SLC1A6: variants seen among roughly 807,000 people sequenced by gnomAD.
SLC1A6 encodes the protein solute carrier family 1 member 6, also known as excitatory amino acid transporter 4.
SLC1A6 carries 15 observed loss-of-function variants against 42.1 expected under a neutral mutation model. The ratio of observed to expected loss-of-function variants is 0.36; its 90% CI spans 0.24 to 0.55. The LOEUF (loss-of-function observed/expected upper bound fraction) is 0.55. Ranked by LOEUF, SLC1A6 falls within the 20% of genes least tolerant of loss-of-function variation. The probability of loss-of-function intolerance (pLI) is 0.88; values close to 1 mark genes in which losing one functional copy is unlikely to be tolerated. For missense variants in SLC1A6, 542 were observed against 772.5 expected, an observed-to-expected ratio of 0.70 and a Z score of 3.54; for synonymous variants, 317 against 319.7, an observed-to-expected ratio of 0.99 and a Z score of 0.09.
rs752790471 is a variant in SLC1A6, at chr19:14,962,244, C to T, written c.693G>A (p.Glu231=). ...GASMPPPFSV[E]NGTSFLENVT... ...CATTTTCCAGGAAGCTGGTTCCGTT[C>T]TCCACTGAGAATGGAGGAGGCATGG... Residue 231 remains glutamate (E), a synonymous_variant, in exon 6 of 10, where the codon GAG becomes GAA. Coordinates refer to ENST00000594383, the MANE Select transcript of SLC1A6 (RefSeq NM_005071.3). 29 of 1,614,096 alleles carry T rather than the reference C, an allele frequency of 1.8e-5. No homozygotes were observed. The highest frequency in any genetic ancestry group is 1.6e-5 in the Non-Finnish European group (19 of 1,180,058).
chr19:14,950,171 T>TCG lies in SLC1A6; in HGVS notation c.*23_*24insCG. On this transcript the variant is annotated 3_prime_UTR_variant, in exon 10 of 10. Transcript: ENST00000594383. Reference sequence around the variant, plus strand: ...CTCCCCAGCCCCCTTCCCTCCTCTCTGGGGGGGCAGAGCTGGAGGCCCCTC... The same window carrying TCG: ...CTCCCCAGCCCCCTTCCCTCCTCTCTCGGGGGGGGCAGAGCTGGAGGCCCCTC... The TCG allele has an allele frequency of 6.8e-7, 1 of 1,477,376 alleles. No homozygotes were observed. Among genetic ancestry groups the TCG allele is most frequent in the Non-Finnish European group, 9.0e-7 (1 of 1,106,856 alleles). The allele number at this position is 1,477,376 out of a possible 1,614,324, so 91.5% of individuals were successfully genotyped here.
intron 3 of SLC1A6, among the ~76,000 whole-genome samples, chr19:14,968,849 C>CT (rs1246103065): frequency 3.3e-4 from 32 of 97,120 alleles, no homozygotes; most frequent in African/African-American, 1.8e-3. Context: ...CATAACCTAA[C>CT]TATTTTTTTT....
At chr19:14,963,138 T>C (rs1048522415) in intron 5 of SLC1A6, among the ~76,000 whole-genome samples, 2 of 152,162 alleles carry the variant, frequency 1.3e-5, no homozygotes, top group Admixed American at 1.3e-4. Context: ...AAGGAGGGGA[T>C]CCTGTCATTT....
intron 8 of SLC1A6, among the ~76,000 whole-genome samples, chr19:14,953,272 C>T (rs1041887095): frequency 3.7e-5 from 5 of 135,582 alleles, no homozygotes; most frequent in Non-Finnish European, 6.5e-5. Context: ...CTCCCCTCCT[C>T]GCCTCACCTT....
At chr19:15,004,553 A>AAAAAG (rs60251760) in intron 1 of SLC1A6, among the ~76,000 whole-genome samples, 2 of 150,826 alleles carry the variant, frequency 1.3e-5, no homozygotes, top group Admixed American at 6.6e-5. Flanking sequence ...AAAAAAAAAA[A>AAAAAG]GTCAATTGTG....
At chr19:14,951,505 G>A (rs2045413049) in intron 9 of SLC1A6, among the ~76,000 whole-genome samples, 1 of 93,374 alleles carries the variant, frequency 1.1e-5, no homozygotes, top group Non-Finnish European at 2.2e-5. Context: ...TGTTGTTGTT[G>A]CTGGTTTTTG....
chr19:14,959,762 G>A (rs560406672), intron 6 of SLC1A6, among the ~76,000 whole-genome samples: 9 of 152,164 alleles, frequency 5.9e-5, no homozygotes, highest in East Asian at 1.9e-4. Context: ...CCTGAAATAC[G>A]TCTCCCCTCT....
intron 1 of SLC1A6, among the ~76,000 whole-genome samples, chr19:14,992,324 G>T (rs1159599283): frequency 1.3e-5 from 2 of 152,178 alleles, no homozygotes; most frequent in Non-Finnish European, 2.9e-5. Flanking sequence ...GGACTGACTG[G>T]TATCTCAACC....
chr19:14,968,535 A>C (rs750013551), intron 3 of SLC1A6, 28 bp from the exon 4 acceptor site: 34 of 1,572,254 alleles, frequency 2.2e-5, no homozygotes, highest in Non-Finnish European at 2.8e-5. Flanking sequence ...TGGCCCCCGC[A>C]GCTCCATGCA....
chr19:15,005,673 G>T (rs1287566738), intron 1 of SLC1A6, among the ~76,000 whole-genome samples: 1 of 152,186 alleles, frequency 6.6e-6, no homozygotes, highest in African/African-American at 2.4e-5. Flanking sequence ...GAAATGAGAA[G>T]TTGGTCTGAT....
chr19:14,956,536 G>T lies in SLC1A6; in HGVS notation c.1109C>A (p.Pro370His). ...LIYFLVTHRN[P>H]FPFIGGMLQA... ...TAGCATGCCCCCAATGAAGGGGAAGGGGTTCCGGTGAGTGACGAGGAAGTA... is the reference window on the plus strand; with the variant it reads ...TAGCATGCCCCCAATGAAGGGGAAGTGGTTCCGGTGAGTGACGAGGAAGTA... Residue 370 changes from proline (P) to histidine (H), a missense_variant, in exon 7 of 10, where the codon CCC becomes CAC. Physicochemically the swap from Pro to His is moderately conservative, Grantham distance 77. This residue lies in a region of SLC1A6 where 298 missense variants were observed against 419.4 expected (regional missense o/e 0.71). Transcript: ENST00000594383. 1 of 1,612,144 alleles carries T rather than the reference G, an allele frequency of 6.2e-7. No individual in the cohort carries two copies. Among genetic ancestry groups the T allele is most frequent in the Non-Finnish European group, 8.5e-7 (1 of 1,178,986 alleles).
chr19:14,965,840 A>T (rs2045567467), intron 4 of SLC1A6, among the ~76,000 whole-genome samples: 1 of 119,750 alleles, frequency 8.4e-6, no homozygotes, highest in Non-Finnish European at 1.7e-5. Flanking sequence ...ACAGAGTGAG[A>T]CTCTGTTTCA....
At chr19:15,003,197 C>T (rs1232507759) in intron 1 of SLC1A6, among the ~76,000 whole-genome samples, 3 of 152,096 alleles carry the variant, frequency 2.0e-5, no homozygotes, top group Admixed American at 6.6e-5. Flanking sequence ...AGGCTGGTCT[C>T]GAACTCCTGG....
chr19:14,951,484 C>A (rs1209926308), intron 9 of SLC1A6, among the ~76,000 whole-genome samples: 4 of 147,864 alleles, frequency 2.7e-5, no homozygotes, highest in Non-Finnish European at 3.0e-5. Flanking sequence ...TTAATGTAAA[C>A]CTCCTGGTTT....
chr19:14,965,446 T>C (rs1420843160), intron 4 of SLC1A6, among the ~76,000 whole-genome samples: 3 of 152,174 alleles, frequency 2.0e-5, no homozygotes, highest in Non-Finnish European at 4.4e-5. Context: ...TTTATCACAG[T>C]ACAATTCACA....
intron 1 of SLC1A6, among the ~76,000 whole-genome samples, chr19:14,995,943 G>C (rs1332650668): frequency 2.6e-5 from 4 of 152,128 alleles, no homozygotes; most frequent in African/African-American, 9.7e-5. Context: ...GGAAAAGGGG[G>C]TGTCCATTTT....
At chr19:14,956,927 T>C (rs1435515580) in intron 6 of SLC1A6, among the ~76,000 whole-genome samples, 1 of 151,940 alleles carries the variant, frequency 6.6e-6, no homozygotes, top group Non-Finnish European at 1.5e-5. Context: ...CTTCCACATC[T>C]CCCCACCATG....
chr19:15,000,592 A>G (rs967230582), intron 1 of SLC1A6, among the ~76,000 whole-genome samples: 1 of 152,118 alleles, frequency 6.6e-6, no homozygotes, highest in Middle Eastern at 3.4e-3. Context: ...TATGTGCCAC[A>G]TTTTCTTTAT....
intron 1 of SLC1A6, among the ~76,000 whole-genome samples, chr19:14,998,164 T>C (rs1378974330): frequency 6.6e-6 from 1 of 152,142 alleles, no homozygotes; most frequent in Non-Finnish European, 1.5e-5. Context: ...GTTCAGGCCA[T>C]GATAGAAAGA....
Sources: gnomAD v4.1 joint callset for allele counts (sites outside exome capture counted in the v4.1 genomes callset) on GRCh38, gnomAD v4.1.1 for gene constraint, gnomAD v4.1.1 regional missense constraint, MANE v1.5 for transcripts, NCBI Gene and HGNC (gene_info 2026-07-23, HGNC 2026-07-21) for gene names.